The following CLASP2 variants were observed in gnomAD, a reference collection of about 807,000 sequenced individuals.
CLASP2 encodes CLIP-associating protein 2.
A neutral mutation model predicts 194.4 loss-of-function variants in CLASP2; 47 were observed. That is an observed-to-expected ratio of 0.24 (90% confidence interval 0.19 to 0.31). The LOEUF is 0.31. CLASP2 is among the 10% of genes least tolerant of loss of function. The probability of loss-of-function intolerance (pLI) is 1.00; values close to 1 mark genes in which losing one functional copy is unlikely to be tolerated. For missense variants in CLASP2, 1,445 were observed against 1,823.6 expected, an observed-to-expected ratio of 0.79 and a Z score of 3.78; for synonymous variants, 619 against 633.5, an observed-to-expected ratio of 0.98 and a Z score of 0.34.
chr3:33,631,689 T>A (rs1478498830), intron 9 of CLASP2, among the ~76,000 whole-genome samples: 2 of 145,702 alleles, frequency 1.4e-5, no homozygotes, highest in Non-Finnish European at 3.0e-5. Context: ...AGAGCTAGAC[T>A]TCATCTCAAA....
At chr3:33,627,584 A>G (rs1385170910) in intron 9 of CLASP2, among the ~76,000 whole-genome samples, 1 of 152,156 alleles carries the variant, frequency 6.6e-6, no homozygotes, top group Non-Finnish European at 1.5e-5. Context: ...CATTCATTTA[A>G]CAAATATTCA....
intron 7 of CLASP2, among the ~76,000 whole-genome samples, chr3:33,650,911 A>T (rs2083068694): frequency 6.6e-6 from 1 of 152,236 alleles, no homozygotes; most frequent in Non-Finnish European, 1.5e-5. Flanking sequence ...ATAGGCCCAC[A>T]ATGACTTATC....
At chr3:33,570,238 A>G (rs2063489553) in intron 26 of CLASP2, among the ~76,000 whole-genome samples, 1 of 152,210 alleles carries the variant, frequency 6.6e-6, no homozygotes, top group Non-Finnish European at 1.5e-5. Context: ...GACTACTTCA[A>G]TGTAAGAAAT....
chr3:33,716,828 T>C (rs2093321352), intron 1 of CLASP2, among the ~76,000 whole-genome samples: 2 of 152,220 alleles, frequency 1.3e-5, no homozygotes, highest in South Asian at 2.1e-4. Context: ...GTCATAATTC[T>C]AGAGTTTGTC....
chr3:33,609,923 A>C (rs1008484000), intron 13 of CLASP2, among the ~76,000 whole-genome samples: 3 of 152,214 alleles, frequency 2.0e-5, no homozygotes, highest in Non-Finnish European at 4.4e-5. Flanking sequence ...AACTTGCTCA[A>C]AGTGATGGAG....
chr3:33,511,338 C>T (rs1280588281), intron 36 of CLASP2, among the ~76,000 whole-genome samples: 1 of 152,052 alleles, frequency 6.6e-6, no homozygotes, highest in Non-Finnish European at 1.5e-5. Flanking sequence ...CCGTGAGCGG[C>T]CTTAAAGTAG....
At chr3:33,512,557 T>TAAAAAAAA (rs71070140) in intron 36 of CLASP2, among the ~76,000 whole-genome samples, 1 of 12,474 alleles carries the variant, frequency 8.0e-5, no homozygotes, top group African/African-American at 3.7e-4. Context: ...TAGAGTATAA[T>TAAAAAAAA]AAAAAAAAAA....
intron 6 of CLASP2, among the ~76,000 whole-genome samples, chr3:33,665,999 G>C (rs907839086): frequency 2.0e-5 from 3 of 152,132 alleles, no homozygotes; most frequent in Non-Finnish European, 1.5e-5. Flanking sequence ...GCTCTAGGAA[G>C]GTTCTGACTT....
At chr3:33,686,487 C>T (rs906840203) in intron 5 of CLASP2, among the ~76,000 whole-genome samples, 2 of 152,118 alleles carry the variant, frequency 1.3e-5, no homozygotes, top group African/African-American at 4.8e-5. Context: ...AGGTCGCATA[C>T]TCCTTATGAG....
intron 21 of CLASP2, among the ~76,000 whole-genome samples, chr3:33,585,443 C>T (rs2067137140): frequency 1.3e-5 from 2 of 152,118 alleles, no homozygotes; most frequent in South Asian, 2.1e-4. Context: ...TAGCTTATTG[C>T]TCCTAGGCTA....
At chr3:33,628,782 G>C (rs1363314407) in intron 9 of CLASP2, among the ~76,000 whole-genome samples, 1 of 152,000 alleles carries the variant, frequency 6.6e-6, no homozygotes, top group Non-Finnish European at 1.5e-5. Flanking sequence ...TGAAGGAGGT[G>C]ACTCAGTAAG....
Position 33,604,061 on chromosome 3 carries a change from C to T in CLASP2, c.1750+93G>A, listed in dbSNP as rs972169324. The T allele has an allele frequency of 1.6e-5, 15 of 916,006 alleles. No homozygotes were observed. The East Asian group carries it at 2.1e-4, about 13-fold the overall frequency. The allele number at this position is 916,006 out of a possible 1,614,324, so 56.7% of individuals were successfully genotyped here. A position where few individuals can be genotyped will look rare whatever the true frequency, so the allele number is the denominator to read the frequency against. On this transcript the variant is annotated intron_variant, in intron 17 of 38. Coordinates refer to ENST00000682230, the MANE Select transcript of CLASP2 (RefSeq NM_001365631.1). ...TGTGGTACTGAGTTACCAAGTAAAACGATCTTTTCACTATGGAGCACATCA... is the reference window on the plus strand; with the variant it reads ...TGTGGTACTGAGTTACCAAGTAAAATGATCTTTTCACTATGGAGCACATCA...
intron 3 of CLASP2, 99 bp from the exon 4 acceptor site, chr3:33,688,467 C>T: frequency 2.3e-6 from 2 of 878,532 alleles, no homozygotes; most frequent in Non-Finnish European, 3.5e-6. Context: ...TTATCGGTAA[C>T]TGAATGTTTT....
At chr3:33,546,194 A>G (rs2059128185) in intron 30 of CLASP2, among the ~76,000 whole-genome samples, 1 of 152,152 alleles carries the variant, frequency 6.6e-6, no homozygotes, top group Non-Finnish European at 1.5e-5. Flanking sequence ...CCCTGTAGGG[A>G]CAGACATCCC....
intron 18 of CLASP2, among the ~76,000 whole-genome samples, chr3:33,598,508 C>T (rs749803671): frequency 1.3e-5 from 2 of 152,070 alleles, no homozygotes; most frequent in Non-Finnish European, 2.9e-5. Flanking sequence ...ACACCTTCCA[C>T]AGCAACTTAG....
At chr3:33,635,671 A>G (rs1409148821) in intron 8 of CLASP2, among the ~76,000 whole-genome samples, 1 of 152,234 alleles carries the variant, frequency 6.6e-6, no homozygotes, top group South Asian at 2.1e-4. Context: ...ACTATTCAAT[A>G]ATAATGTCCC....
intron 7 of CLASP2, among the ~76,000 whole-genome samples, chr3:33,652,084 G>GA (rs11425306): frequency 0.073 from 11,102 of 151,972 alleles, 1,093 homozygotes; most frequent in African/African-American, 0.23. Flanking sequence ...ACATCTCATA[G>GA]AAAAAAATAC....
chr3:33,677,854 G>A (rs1326684650), intron 6 of CLASP2, among the ~76,000 whole-genome samples: 2 of 145,034 alleles, frequency 1.4e-5, no homozygotes, highest in African/African-American at 5.1e-5. Flanking sequence ...TCCAAAGAAT[G>A]AGGCAGATAG....
At chr3:33,538,121 AC>A (rs2154138653) in intron 33 of CLASP2, among the ~76,000 whole-genome samples, 1 of 148,046 alleles carries the variant, frequency 6.8e-6, no homozygotes, top group South Asian at 2.1e-4. Context: ...AGCCTGGGCG[AC>A]AGAGCGAGAC....
Sources: allele counts gnomAD v4.1 joint callset (sites outside exome capture counted in the v4.1 genomes callset), GRCh38; gene constraint gnomAD v4.1.1; transcripts MANE v1.5; gene names NCBI Gene and HGNC (gene_info 2026-07-23, HGNC 2026-07-21).